ANKUB1: variants seen among roughly 807,000 people sequenced by gnomAD.
The protein encoded by ANKUB1 is protein ANKUB1.
In ANKUB1, 42 loss-of-function variants were observed where a neutral mutation model predicts 49.3. That is an observed-to-expected ratio of 0.85 (90% CI 0.67 to 1.10). The LOEUF (loss-of-function observed/expected upper bound fraction) is 1.10, where lower values mean the gene tolerates loss of function less well. Ranked by LOEUF, ANKUB1 falls within the 50% of genes least tolerant of loss-of-function variation. The probability of loss-of-function intolerance (pLI) is 0.00; values close to 1 mark genes in which losing one functional copy is unlikely to be tolerated. For missense variants in ANKUB1, 613 were observed against 642.0 expected, an observed-to-expected ratio of 0.95 and a Z score of 0.49; for synonymous variants, 222 against 231.0, an observed-to-expected ratio of 0.96 and a Z score of 0.35.
chr3:149,769,367 T>C (rs1350330195), intron 4 of ANKUB1, among the ~76,000 whole-genome samples: 1 of 152,240 alleles, frequency 6.6e-6, no homozygotes, highest in Non-Finnish European at 1.5e-5. Context: ...ATGCTGGTAA[T>C]AAATGCAGTT....
chr3:149,783,108 A>T (rs1369265457), intron 2 of ANKUB1: 1 of 152,166 alleles, frequency 6.6e-6, no homozygotes. Flanking sequence ...CCTTGTTTTT[A>T]TGGGAAAACC....
At chr3:149,784,052 T>C (rs532471196) in intron 2 of ANKUB1, among the ~76,000 whole-genome samples, 21 of 152,334 alleles carry the variant, frequency 1.4e-4, no homozygotes, top group African/African-American at 4.6e-4. Context: ...AAAGCTAAAA[T>C]GTTTATCATT....
Position 149,786,057 on chromosome 3 carries a change from A to G in ANKUB1, c.234+4724T>C, listed in dbSNP as rs143034845. 4.2e-4 allele frequency among the ~76,000 whole-genome samples: 62 copies of G among 145,936 alleles called. No individual in the cohort carries two copies. In the Middle Eastern group the frequency reaches 0.014, roughly 33 times the overall value. On this transcript the variant is annotated intron_variant, in intron 2 of 5. Coordinates refer to ENST00000446160, the MANE Select transcript of ANKUB1 (RefSeq NM_001144960.3). ...TTTATTTATTTATTTATTTTTTGAG[A>G]CAGAGTCTCGCTTTTTCGCCCAGGC...
chr3:149,777,062 C>T (rs977913520), intron 3 of ANKUB1, among the ~76,000 whole-genome samples: 2 of 152,210 alleles, frequency 1.3e-5, no homozygotes, highest in African/African-American at 2.4e-5. Flanking sequence ...TGCTAATGGA[C>T]CTAATTAATA....
At chr3:149,771,829 C>T (rs143795308) in intron 3 of ANKUB1, among the ~76,000 whole-genome samples, 16 of 152,216 alleles carry the variant, frequency 1.1e-4, no homozygotes, top group Admixed American at 3.9e-4. Flanking sequence ...TCCAGCCCAG[C>T]CTCTGCTCCA....
chr3:149,790,756 A>G, intron 2 of ANKUB1, 25 bp downstream of exon 2: 1 of 1,530,982 alleles, frequency 6.5e-7, no homozygotes, highest in Non-Finnish European at 8.8e-7. Flanking sequence ...GATATCTTAG[A>G]CGAATATTAT....
At chr3:149,788,962 A>T (rs2108282416) in intron 2 of ANKUB1, among the ~76,000 whole-genome samples, 1 of 151,796 alleles carries the variant, frequency 6.6e-6, no homozygotes, top group African/African-American at 2.4e-5. Context: ...TTTATTGGAG[A>T]TGGGGCTTCA....
At chr3:149,770,535 T>C in intron 4 of ANKUB1, 25 bp downstream of exon 4, 1 of 1,485,240 alleles carries the variant, frequency 6.7e-7, no homozygotes, top group East Asian at 2.5e-5. Context: ...ACTTGCTAAG[T>C]TAATTTAAAA....
At position 149,761,258 on chromosome 3, in the gene ANKUB1, TC is replaced by T; in HGVS notation, c.*225del. On this transcript the variant is annotated 3_prime_UTR_variant, in exon 6 of 6. Transcript: ENST00000446160. ...CTGTGGACAACTACTATTCTAAGTT[TC>T]TTCTGAATTCTTCCTCATATTCTTT... The T allele has an allele frequency of 2.5e-6, 1 of 407,360 alleles. No individual in the cohort carries two copies. 25.2% of individuals were successfully genotyped at this position (407,360 alleles called of 1,614,324 possible). A position where few individuals can be genotyped will look rare whatever the true frequency, so the allele number is the denominator to read the frequency against.
chr3:149,767,635 C>T lies in ANKUB1; in HGVS notation c.1027G>A (p.Val343Ile). The T allele has an allele frequency of 1.3e-6, 2 of 1,551,702 alleles. No individual in the cohort carries two copies. The highest frequency in any genetic ancestry group is 2.0e-5 in the Admixed American group (1 of 51,002). The change falls in exon 5 of 6, where the codon GTT becomes ATT. Residue 343 changes from valine to isoleucine, a missense_variant. Coordinates refer to ENST00000446160, the MANE Select transcript of ANKUB1 (RefSeq NM_001144960.3). ...FCGARVFGAKVGDTVMVDGFT... is the reference protein window; with the variant it reads ...FCGARVFGAKIGDTVMVDGFT... ...CCATCCACCATCACAGTGTCTCCAA[C>T]TTTTGCCCCAAAGACCCTTGCTCCA...
intron 3 of ANKUB1, among the ~76,000 whole-genome samples, chr3:149,771,949 A>AT (rs796935076): frequency 5.3e-4 from 78 of 146,550 alleles, no homozygotes; most frequent in African/African-American, 1.8e-3. Context: ...TTTCTCCTGC[A>AT]TTTTTTTTTC....
intron 2 of ANKUB1, among the ~76,000 whole-genome samples, chr3:149,782,276 T>G (rs938040394): frequency 6.6e-6 from 1 of 152,102 alleles, no homozygotes; most frequent in Non-Finnish European, 1.5e-5. Flanking sequence ...AAATTTTTTT[T>G]TAGAGTCTAG....
chr3:149,771,280 G>C (rs576824541), intron 3 of ANKUB1, among the ~76,000 whole-genome samples: 3 of 152,082 alleles, frequency 2.0e-5, no homozygotes, highest in African/African-American at 7.2e-5. Context: ...TCAGCCTTCC[G>C]TTCTTCTCAA....
intron 2 of ANKUB1, chr3:149,782,976 C>A (rs1717934899): frequency 6.6e-6 from 1 of 151,882 alleles, no homozygotes; most frequent in Non-Finnish European, 1.5e-5. Context: ...CGCTCAGGAA[C>A]TTTTTATCAC....
chr3:149,792,057 G>A (rs1027790671), intron 1 of ANKUB1, among the ~76,000 whole-genome samples: 1 of 149,960 alleles, frequency 6.7e-6, no homozygotes, highest in Admixed American at 6.7e-5. Flanking sequence ...TTTTTTTCTT[G>A]ATAATTGACT....
chr3:149,772,141 C>T (rs1223801556), intron 3 of ANKUB1, among the ~76,000 whole-genome samples: 1 of 151,780 alleles, frequency 6.6e-6, no homozygotes, highest in Non-Finnish European at 1.5e-5. Flanking sequence ...TCTCCTGCCT[C>T]ACCCTCTCAA....
rs1286121623 is a variant in ANKUB1, at chr3:149,770,663, G to A, written c.463C>T (p.Arg155Cys). 35 of 1,546,160 alleles carry A rather than the reference G, an allele frequency of 2.3e-5. No individual in the cohort carries two copies. Among genetic ancestry groups the A allele is most frequent in the Admixed American group, 1.2e-4 (6 of 50,284 alleles). ...TTCCATCCATCCCAGACATCCAAGC[G>A]AAGTGTTGTGCCTGTGGATCAAGAG... ...DYQTDIGTTL[R>C]LDVWDGWKEF... The change falls in exon 4 of 6, where the codon CGC (arginine) becomes TGC (cysteine). Residue 155 changes from arginine (R) to cysteine (C), a missense_variant. Arg to Cys is a radical substitution (Grantham distance 180). Coordinates refer to ENST00000446160, the MANE Select transcript of ANKUB1 (RefSeq NM_001144960.3).
intron 3 of ANKUB1, among the ~76,000 whole-genome samples, chr3:149,776,139 A>G (rs1717584945): frequency 1.3e-5 from 2 of 152,182 alleles, no homozygotes; most frequent in Non-Finnish European, 2.9e-5. Flanking sequence ...CTCTAAGCCC[A>G]CCAAAGACCT....
chr3:149,786,527 A>G (rs1475461261), intron 2 of ANKUB1, among the ~76,000 whole-genome samples: 1 of 152,188 alleles, frequency 6.6e-6, no homozygotes, highest in Non-Finnish European at 1.5e-5. Context: ...CCAATTCTGT[A>G]GGTTGCCTCT....
Sources: gnomAD v4.1 joint callset for allele counts (sites outside exome capture counted in the v4.1 genomes callset) on GRCh38, gnomAD v4.1.1 for gene constraint, MANE v1.5 for transcripts, NCBI Gene and HGNC (gene_info 2026-07-23, HGNC 2026-07-21) for gene names.